PPP6R3: variants seen among roughly 807,000 people sequenced by gnomAD.
PPP6R3 encodes protein phosphatase 6 regulatory subunit 3, also known as serine/threonine-protein phosphatase 6 regulatory subunit 3.
A neutral mutation model predicts 110.7 loss-of-function variants in PPP6R3; 38 were observed. The observed-to-expected ratio is 0.34, with a 90% CI of 0.26 to 0.45. The LOEUF (loss-of-function observed/expected upper bound fraction) is 0.45. Among genes scored for constraint, PPP6R3 ranks in the 20% least tolerant of loss-of-function variants. The pLI is 1.00. For synonymous variants in PPP6R3, 369 were observed against 373.5 expected (o/e 0.99, Z 0.14); for missense variants, 870 against 1,062.4 (o/e 0.82, Z 2.52).
chr11:68,550,471 T>A (rs1307221682), intron 5 of PPP6R3, among the ~76,000 whole-genome samples: 1 of 152,200 alleles, frequency 6.6e-6, no homozygotes, highest in African/African-American at 2.4e-5. Context: ...TTAAGCCAGA[T>A]GATTTTTCCT....
At chr11:68,610,604 G>A (rs1942909199) in intron 23 of PPP6R3, among the ~76,000 whole-genome samples, 1 of 152,106 alleles carries the variant, frequency 6.6e-6, no homozygotes, top group Admixed American at 6.5e-5. Flanking sequence ...TTTTTGCTTA[G>A]CCTGAGCCAG....
At chr11:68,508,289 C>T (rs561910162) in intron 1 of PPP6R3, among the ~76,000 whole-genome samples, 47 of 151,812 alleles carry the variant, frequency 3.1e-4, no homozygotes, top group African/African-American at 1.1e-3. Context: ...CCACCAAGCC[C>T]GGCTTATTTT....
intron 1 of PPP6R3, among the ~76,000 whole-genome samples, chr11:68,518,486 G>GA (rs1358523065): frequency 1.3e-5 from 2 of 152,304 alleles, no homozygotes; most frequent in East Asian, 1.9e-4. Context: ...AAATTGGAGG[G>GA]AAGAGGGATT....
intron 1 of PPP6R3, among the ~76,000 whole-genome samples, chr11:68,465,905 T>C (rs2098742015): frequency 6.6e-6 from 1 of 152,234 alleles, no homozygotes; most frequent in Non-Finnish European, 1.5e-5. Context: ...AAATGATTAC[T>C]TCGACTTGCC....
chr11:68,478,449 AAGT>A (rs1028445087), intron 1 of PPP6R3, among the ~76,000 whole-genome samples: 1 of 152,060 alleles, frequency 6.6e-6, no homozygotes, highest in African/African-American at 2.4e-5. Flanking sequence ...CCGAAAACTT[AAGT>A]ATCTTTTGTC....
intron 1 of PPP6R3, among the ~76,000 whole-genome samples, chr11:68,495,623 G>A (rs1339364993): frequency 3.3e-5 from 5 of 151,976 alleles, no homozygotes; most frequent in South Asian, 2.1e-4. Context: ...TTCCCTCTTA[G>A]CCATGTTTTC....
In PPP6R3 at chr11:68,575,908, C is replaced by T. The variant is rs766038981; in HGVS notation, c.1460-50C>T. On this transcript the variant is annotated intron_variant, in intron 13 of 23. Coordinates refer to ENST00000393800, the MANE Select transcript of PPP6R3 (RefSeq NM_001164161.2). ...ATTACCTGCTTACTTTATTTGTCTCCGTGGAGGTCATTGTGGTGATAATGC... is the reference window on the plus strand; with the variant it reads ...ATTACCTGCTTACTTTATTTGTCTCTGTGGAGGTCATTGTGGTGATAATGC... The T allele has an allele frequency of 5.1e-6, 7 of 1,370,552 alleles. No homozygotes were observed. The East Asian group carries it at 6.9e-5, about 14-fold the overall frequency. The allele number at this position is 1,370,552 out of a possible 1,614,324, so 84.9% of individuals were successfully genotyped here.
chr11:68,555,171 C>T (rs1295183890), intron 7 of PPP6R3, among the ~76,000 whole-genome samples: 3 of 152,152 alleles, frequency 2.0e-5, no homozygotes, highest in African/African-American at 7.2e-5. Flanking sequence ...AGCAAAACTA[C>T]AAAAGATTGC....
At chr11:68,547,312 C>T (rs2099353239) in intron 4 of PPP6R3, among the ~76,000 whole-genome samples, 1 of 152,150 alleles carries the variant, frequency 6.6e-6, no homozygotes, top group African/African-American at 2.4e-5. Context: ...AGCTGCGACA[C>T]TCCCCCTGGG....
chr11:68,482,096 C>T (rs762608575), intron 1 of PPP6R3, among the ~76,000 whole-genome samples: 10 of 151,544 alleles, frequency 6.6e-5, no homozygotes, highest in Non-Finnish European at 1.2e-4. Context: ...AAAATTATCC[C>T]GGCCGGGTGC....
At chr11:68,554,912 T>C (rs980598861) in intron 7 of PPP6R3, among the ~76,000 whole-genome samples, 1 of 152,218 alleles carries the variant, frequency 6.6e-6, no homozygotes, top group African/African-American at 2.4e-5. Flanking sequence ...TTCGGTTTAC[T>C]TCTATTGTTG....
chr11:68,570,812 A>G (rs948386481), intron 11 of PPP6R3, among the ~76,000 whole-genome samples: 1 of 152,204 alleles, frequency 6.6e-6, no homozygotes, highest in African/African-American at 2.4e-5. Flanking sequence ...CACTACCTAT[A>G]ATACTGAGTT....
chr11:68,486,359 A>G (rs147098634), intron 1 of PPP6R3, among the ~76,000 whole-genome samples: 158 of 152,158 alleles, frequency 1.0e-3, no homozygotes, highest in African/African-American at 3.6e-3. Flanking sequence ...TAATCCCAGC[A>G]CTTTGGGAGG....
At chr11:68,481,851 A>G (rs1054089779) in intron 1 of PPP6R3, among the ~76,000 whole-genome samples, 16 of 152,116 alleles carry the variant, frequency 1.1e-4, no homozygotes, top group African/African-American at 3.9e-4. Flanking sequence ...GGTTCTTTAT[A>G]TGTGTTACTT....
intron 1 of PPP6R3, among the ~76,000 whole-genome samples, chr11:68,496,596 C>T (rs1161696449): frequency 6.6e-6 from 1 of 151,942 alleles, no homozygotes; most frequent in South Asian, 2.1e-4. Flanking sequence ...CCTCAGCCTC[C>T]TGAGTAGCTG....
At chr11:68,556,150 C>T (rs373885064) in intron 7 of PPP6R3, among the ~76,000 whole-genome samples, 46 of 152,178 alleles carry the variant, frequency 3.0e-4, no homozygotes, top group African/African-American at 1.1e-3. Flanking sequence ...TTGCCGAGCT[C>T]TATATTATGA....
intron 1 of PPP6R3, among the ~76,000 whole-genome samples, chr11:68,484,643 A>C (rs1177992230): frequency 1.3e-5 from 2 of 151,868 alleles, no homozygotes; most frequent in Admixed American, 6.6e-5. Context: ...GGTGGAGTGT[A>C]ATGGCACAGT....
intron 1 of PPP6R3, among the ~76,000 whole-genome samples, chr11:68,503,551 G>A (rs190649490): frequency 2.0e-5 from 3 of 152,312 alleles, no homozygotes; most frequent in African/African-American, 4.8e-5. Context: ...GAGAAGCCAG[G>A]CGAGGAGAAT....
rs1038678527 is a variant in PPP6R3 at position 68,613,289 on chromosome 11, A to G, written c.*172A>G. 3 of 1,356,074 alleles carry G rather than the reference A, an allele frequency of 2.2e-6. No individual in the cohort carries two copies. The African/African-American group carries it at 4.5e-5, about 20-fold the overall frequency. 84.0% of individuals were successfully genotyped at this position (1,356,074 alleles called of 1,614,324 possible). The stretch of plus-strand genomic sequence containing the variant: ...AAGACATTGTACAGAGAAATTCAGA[A>G]GTGTAAAAATATTGCACATTGACAA... On this transcript the variant is annotated 3_prime_UTR_variant, in exon 24 of 24. Coordinates refer to ENST00000393800, the MANE Select transcript of PPP6R3 (RefSeq NM_001164161.2).
Sources: gnomAD v4.1 joint callset for allele counts (sites outside exome capture counted in the v4.1 genomes callset) on GRCh38, gnomAD v4.1.1 for gene constraint, MANE v1.5 for transcripts, NCBI Gene and HGNC (gene_info 2026-07-23, HGNC 2026-07-21) for gene names.